Variants in RPH3A observed in about 807,000 individuals in gnomAD.
The protein encoded by RPH3A is rabphilin-3A.
Under a neutral mutation model 102.2 loss-of-function variants are expected in RPH3A, and 48 were observed. That is an observed-to-expected ratio of 0.47 (90% CI 0.37 to 0.60). RPH3A has a LOEUF of 0.60. Ranked by LOEUF, RPH3A falls within the 20% of genes least tolerant of loss-of-function variation. The pLI, the probability that RPH3A is intolerant of heterozygous loss-of-function variation, is 0.00. For missense variants in RPH3A, 781 were observed against 910.1 expected (o/e 0.86, Z 1.83); for synonymous variants, 310 against 324.3 (o/e 0.96, Z 0.47).
intron 1 of RPH3A, among the ~76,000 whole-genome samples, chr12:112,733,787 G>A (rs927296423): frequency 3.9e-5 from 6 of 152,340 alleles, no homozygotes; most frequent in African/African-American, 1.4e-4. Context: ...CCAGCACAGA[G>A]TGGGCATGGC....
At chr12:112,869,872 A>T (rs1378525134) in intron 9 of RPH3A, 21 bp from the exon 10 acceptor site, 1 of 1,614,010 alleles carries the variant, frequency 6.2e-7, no homozygotes, top group Non-Finnish European at 8.5e-7. Context: ...TTCTCTACTC[A>T]ATTCATGCTC....
In RPH3A at chr12:112,895,884, C is replaced by G. The variant is rs1220113750; in HGVS notation, c.1954+11C>G. 1 of 1,596,232 alleles carries G rather than the reference C, an allele frequency of 6.3e-7. No individual in the cohort carries two copies. Among genetic ancestry groups the G allele is most frequent in the Admixed American group, 1.7e-5 (1 of 60,004 alleles). On this transcript the variant is annotated intron_variant, in intron 21 of 21. Coordinates refer to ENST00000389385, the MANE Select transcript of RPH3A (RefSeq NM_001143854.2). The stretch of plus-strand genomic sequence containing the variant: ...CCAATGATTACATCGGTGAGTGTTC[C>G]TAACTCCAGAGAAAACGCCCTCTTC...
At chr12:112,751,309 G>A (rs993447326) in intron 1 of RPH3A, among the ~76,000 whole-genome samples, 1 of 152,206 alleles carries the variant, frequency 6.6e-6, no homozygotes, top group Non-Finnish European at 1.5e-5. Context: ...AGGCAGTACA[G>A]TGCTATGATT....
intron 17 of RPH3A, among the ~76,000 whole-genome samples, chr12:112,888,919 G>C (rs1414360222): frequency 6.6e-6 from 1 of 152,216 alleles, no homozygotes; most frequent in East Asian, 1.9e-4. Flanking sequence ...CTTGGGCCCA[G>C]AAAGGGTAGC....
At chr12:112,705,791 A>G (rs2040423436) in intron 1 of RPH3A, among the ~76,000 whole-genome samples, 1 of 152,188 alleles carries the variant, frequency 6.6e-6, no homozygotes, top group Admixed American at 6.5e-5. Flanking sequence ...GAGAGGTAAT[A>G]TTTCTTCCTT....
intron 1 of RPH3A, among the ~76,000 whole-genome samples, chr12:112,746,989 C>A (rs1440302815): frequency 1.3e-5 from 2 of 152,122 alleles, no homozygotes; most frequent in African/African-American, 4.8e-5. Flanking sequence ...GTGTCTGTGC[C>A]CCCTTCCCAA....
At chr12:112,596,981 T>C (rs1177262017) in intron 1 of RPH3A, among the ~76,000 whole-genome samples, 1 of 152,256 alleles carries the variant, frequency 6.6e-6, no homozygotes, top group Non-Finnish European at 1.5e-5. Flanking sequence ...CTGTGGTAAA[T>C]GGCATTGCAT....
intron 1 of RPH3A, among the ~76,000 whole-genome samples, chr12:112,655,085 G>T (rs534315322): frequency 6.6e-6 from 1 of 152,210 alleles, no homozygotes; most frequent in Non-Finnish European, 1.5e-5. Context: ...GCCATGGCTT[G>T]AAGGCCAGAC....
At chr12:112,681,009 T>C (rs1282634825) in intron 1 of RPH3A, among the ~76,000 whole-genome samples, 5 of 152,182 alleles carry the variant, frequency 3.3e-5, no homozygotes, top group Non-Finnish European at 7.3e-5. Flanking sequence ...GTTCTAAGGT[T>C]TGAAGTGCCT....
chr12:112,847,364 C>G (rs560556580), intron 4 of RPH3A, among the ~76,000 whole-genome samples: 1 of 152,272 alleles, frequency 6.6e-6, no homozygotes, highest in South Asian at 2.1e-4. Context: ...AACCTGGGAC[C>G]CAGGACTTCA....
intron 2 of RPH3A, among the ~76,000 whole-genome samples, chr12:112,794,459 G>T (rs2041187689): frequency 6.6e-6 from 1 of 152,188 alleles, no homozygotes; most frequent in Non-Finnish European, 1.5e-5. Flanking sequence ...AACTTTGCTA[G>T]GTTTCTAGAA....
At chr12:112,641,775 T>C (rs991129476) in intron 1 of RPH3A, among the ~76,000 whole-genome samples, 1 of 152,192 alleles carries the variant, frequency 6.6e-6, no homozygotes, top group African/African-American at 2.4e-5. Context: ...AAGAGGTAGG[T>C]GGACCTTCTA....
chr12:112,870,602 C>T (rs1455655193), intron 10 of RPH3A, among the ~76,000 whole-genome samples: 2 of 152,144 alleles, frequency 1.3e-5, no homozygotes, highest in East Asian at 3.9e-4. Context: ...CATCTTTGTT[C>T]CATGGCCCCT....
At chr12:112,637,231 C>T (rs2135989410) in intron 1 of RPH3A, among the ~76,000 whole-genome samples, 1 of 152,240 alleles carries the variant, frequency 6.6e-6, no homozygotes, top group Non-Finnish European at 1.5e-5. Flanking sequence ...ACAGATTTCC[C>T]TTCAGCATAA....
chr12:112,719,253 A>C (rs906865112), intron 1 of RPH3A, among the ~76,000 whole-genome samples: 5 of 152,196 alleles, frequency 3.3e-5, no homozygotes, highest in Admixed American at 2.6e-4. Flanking sequence ...ATATCTTGAG[A>C]TCTGACACTG....
intron 1 of RPH3A, among the ~76,000 whole-genome samples, chr12:112,601,570 T>C (rs750783867): frequency 6.9e-6 from 1 of 145,768 alleles, no homozygotes; most frequent in Non-Finnish European, 1.5e-5. Context: ...ATATAGACTA[T>C]TTTTTAACAT....
intron 1 of RPH3A, among the ~76,000 whole-genome samples, chr12:112,783,498 G>A (rs2041023060): frequency 6.6e-6 from 1 of 152,144 alleles, no homozygotes; most frequent in South Asian, 2.1e-4. Flanking sequence ...CCGGTAGCTT[G>A]GAAGGGTGGA....
chr12:112,735,523 C>T (rs1322391998), intron 1 of RPH3A, among the ~76,000 whole-genome samples: 1 of 152,244 alleles, frequency 6.6e-6, no homozygotes, highest in Non-Finnish European at 1.5e-5. Context: ...TGTGCTCTTG[C>T]CTGCTGGAGT....
chr12:112,846,545 T>C (rs1412930165), intron 4 of RPH3A, among the ~76,000 whole-genome samples: 2 of 152,056 alleles, frequency 1.3e-5, no homozygotes, highest in South Asian at 2.1e-4. Flanking sequence ...GGAAGATGGG[T>C]TTTTAATTTC....
Sources: gnomAD v4.1 joint callset for allele counts (sites outside exome capture counted in the v4.1 genomes callset) on GRCh38, gnomAD v4.1.1 for gene constraint, MANE v1.5 for transcripts, NCBI Gene and HGNC (gene_info 2026-07-23, HGNC 2026-07-21) for gene names.